Variants in SGMS1 observed in about 807,000 individuals in gnomAD.
The protein encoded by SGMS1 is sphingomyelin synthase 1, also known as phosphatidylcholine:ceramide cholinephosphotransferase 1.
Under a neutral mutation model 46.2 loss-of-function variants are expected in SGMS1, and 13 were observed. The ratio of observed to expected loss-of-function variants is 0.28; its 90% CI spans 0.18 to 0.45. The LOEUF (loss-of-function observed/expected upper bound fraction) is 0.45, where lower values mean the gene tolerates loss of function less well. Among genes scored for constraint, SGMS1 ranks in the 20% least tolerant of loss-of-function variants. The pLI is 1.00. For missense variants in SGMS1, 324 were observed against 519.9 expected, an observed-to-expected ratio of 0.62 and a Z score of 3.66; for synonymous variants, 203 against 187.8, an observed-to-expected ratio of 1.08 and a Z score of -0.66.
intron 6 of SGMS1, among the ~76,000 whole-genome samples, chr10:50,424,727 A>C (rs1442513878): frequency 2.0e-5 from 3 of 152,184 alleles, no homozygotes; most frequent in Admixed American, 6.5e-5. Flanking sequence ...ATTAAAAAGT[A>C]GGCAAGGAAC....
rs1333476532 is a variant in SGMS1 at position 50,605,144 on chromosome 10, C to CG, written c.-683-14898_-683-14897insC. ...CAAGATGCCCAGGCACCACAAAACC[C>CG]CGGACCACTGCATGGAGTCAGTGGG... On this transcript the variant is annotated intron_variant, in intron 1 of 10. Transcript: ENST00000361781. Among the ~76,000 whole-genome samples, 50 of 80,734 alleles carry CG rather than the reference C, an allele frequency of 6.2e-4. No individual in the cohort carries two copies. In the Middle Eastern group the frequency reaches 0.019, roughly 31 times the overall value. The allele number at this position is 80,734 out of a possible 152,430, so 53.0% of individuals were successfully genotyped here. A position where few individuals can be genotyped will look rare whatever the true frequency, so the allele number is the denominator to read the frequency against.
At chr10:50,543,485 G>A (rs1296079367) in intron 2 of SGMS1, among the ~76,000 whole-genome samples, 1 of 152,206 alleles carries the variant, frequency 6.6e-6, no homozygotes, top group East Asian at 1.9e-4. Flanking sequence ...ATGTGGTAGA[G>A]GTAAAAAAAT....
At chr10:50,428,060 G>A (rs1849353215) in intron 6 of SGMS1, among the ~76,000 whole-genome samples, 1 of 151,870 alleles carries the variant, frequency 6.6e-6, no homozygotes, top group Non-Finnish European at 1.5e-5. Flanking sequence ...TGCCTAAAGG[G>A]AGAAAAAAGA....
chr10:50,396,921 G>A (rs772753533), intron 6 of SGMS1, among the ~76,000 whole-genome samples: 3 of 152,068 alleles, frequency 2.0e-5, no homozygotes, highest in South Asian at 2.1e-4. Flanking sequence ...GTGAACCGGC[G>A]GTGTTACTTG....
chr10:50,427,394 G>A (rs193080824), intron 6 of SGMS1, among the ~76,000 whole-genome samples: 176 of 152,232 alleles, frequency 1.2e-3, no homozygotes, highest in Middle Eastern at 3.4e-3. Context: ...GCGAGACTCC[G>A]TCACAACAAC....
chr10:50,492,348 A>G (rs1034337489), intron 3 of SGMS1, among the ~76,000 whole-genome samples: 1 of 151,968 alleles, frequency 6.6e-6, no homozygotes, highest in South Asian at 2.1e-4. Flanking sequence ...AAATAATGCG[A>G]AGAGAGTCAG....
chr10:50,308,358 C>G (rs1266922538), intron 9 of SGMS1, among the ~76,000 whole-genome samples: 2 of 152,042 alleles, frequency 1.3e-5, no homozygotes, highest in East Asian at 1.9e-4. Flanking sequence ...GATAGTAATT[C>G]ATATTTGGTT....
chr10:50,319,300 T>C (rs1847402654), intron 8 of SGMS1, among the ~76,000 whole-genome samples: 1 of 152,132 alleles, frequency 6.6e-6, no homozygotes. Flanking sequence ...TCTTCTCCTT[T>C]CTCTCACTTT....
At position 50,343,719 on chromosome 10, in the gene SGMS1, CCACTCCATGGGGTA is replaced by C; in HGVS notation, c.382_395del (p.Tyr128GlyfsTer31). 6.2e-7 allele frequency: 1 copy of C among 1,614,158 alleles called. No individual in the cohort carries two copies. The highest frequency in any genetic ancestry group is 8.5e-7 in the Non-Finnish European group (1 of 1,180,036). ...AAAGAAAGGCCAGAAAAGTCTTGCC[CCACTCCATGGGGTA>C]CTGAGAGCGCTCCAGTTCTGGCATG... is the stretch of plus-strand genomic sequence containing the variant. On this transcript the variant is annotated frameshift_variant, in exon 7 of 11. Coordinates refer to ENST00000361781, the MANE Select transcript of SGMS1 (RefSeq NM_147156.4). LOFTEE classifies it high-confidence loss of function.
At chr10:50,589,763 C>T (rs551801547) in intron 2 of SGMS1, among the ~76,000 whole-genome samples, 71 of 152,328 alleles carry the variant, frequency 4.7e-4, no homozygotes, top group African/African-American at 1.5e-3. Flanking sequence ...TAAGCCAGCA[C>T]GCCTGGCCTA....
chr10:50,538,457 C>CAAA (rs61633959), intron 2 of SGMS1, among the ~76,000 whole-genome samples: 3 of 85,664 alleles, frequency 3.5e-5, no homozygotes, highest in South Asian at 4.2e-4. Context: ...GACTCCATCT[C>CAAA]AAAAAAAAAA....
intron 2 of SGMS1, among the ~76,000 whole-genome samples, chr10:50,574,961 G>GTATATATATATATATATA (rs1491469065): frequency 0.015 from 698 of 45,124 alleles, 32 homozygotes; most frequent in East Asian, 0.059. Context: ...GGAAAATGTG[G>GTATATATATATATATATA]TGTATATATA....
At chr10:50,591,566 A>AT (rs1024318099) in intron 1 of SGMS1, among the ~76,000 whole-genome samples, 2 of 152,118 alleles carry the variant, frequency 1.3e-5, no homozygotes, top group African/African-American at 4.8e-5. Flanking sequence ...CCCTTAATGT[A>AT]TTTTTGCCAT....
chr10:50,568,267 A>T (rs1238834684), intron 2 of SGMS1, among the ~76,000 whole-genome samples: 1 of 152,232 alleles, frequency 6.6e-6, no homozygotes, highest in Non-Finnish European at 1.5e-5. Flanking sequence ...ATTCTTACAT[A>T]GCATCAAACA....
At chr10:50,318,561 A>G (rs936698855) in intron 8 of SGMS1, among the ~76,000 whole-genome samples, 11 of 152,188 alleles carry the variant, frequency 7.2e-5, no homozygotes, top group Non-Finnish European at 1.6e-4. Flanking sequence ...TTCTCCTTAA[A>G]TATAGATCCC....
At chr10:50,457,095 T>C (rs535440150) in intron 5 of SGMS1, among the ~76,000 whole-genome samples, 7 of 152,222 alleles carry the variant, frequency 4.6e-5, no homozygotes, top group Admixed American at 1.3e-4. Context: ...GGTTCACTAA[T>C]AGAATGGATT....
intron 9 of SGMS1, among the ~76,000 whole-genome samples, chr10:50,308,958 C>T (rs541428262): frequency 1.3e-5 from 2 of 152,156 alleles, no homozygotes; most frequent in Admixed American, 6.5e-5. Context: ...ATTCATTGAG[C>T]CTCTTACATG....
intron 1 of SGMS1, among the ~76,000 whole-genome samples, chr10:50,613,603 T>C (rs1838770373): frequency 6.6e-6 from 1 of 152,168 alleles, no homozygotes; most frequent in South Asian, 2.1e-4. Flanking sequence ...AAACGAGCTG[T>C]TACAGGCTGA....
intron 1 of SGMS1, among the ~76,000 whole-genome samples, chr10:50,594,699 G>A (rs552170620): frequency 2.6e-5 from 4 of 152,090 alleles, no homozygotes; most frequent in Non-Finnish European, 5.9e-5. Flanking sequence ...GGAAAAATGT[G>A]ATAGCAAATG....
Sources: gnomAD v4.1 joint callset for allele counts (sites outside exome capture counted in the v4.1 genomes callset) on GRCh38, gnomAD v4.1.1 for gene constraint, MANE v1.5 for transcripts, NCBI Gene and HGNC (gene_info 2026-07-23, HGNC 2026-07-21) for gene names.